ATP10B: variants seen among roughly 807,000 people sequenced by gnomAD.
The protein encoded by ATP10B is phospholipid-transporting ATPase VB.
In ATP10B, 122 loss-of-function variants were observed where a neutral mutation model predicts 141.2. The ratio of observed to expected loss-of-function variants is 0.86; its 90% confidence interval spans 0.75 to 1.00. The LOEUF is 1.00. ATP10B is among the 50% of genes least tolerant of loss of function. The pLI, the probability that ATP10B is intolerant of heterozygous loss-of-function variation, is 0.00. For missense variants in ATP10B, 1,876 were observed against 1,825.3 expected (o/e 1.03, Z -0.51); for synonymous variants, 685 against 692.0 (o/e 0.99, Z 0.16).
intron 1 of ATP10B, among the ~76,000 whole-genome samples, chr5:160,846,841 G>T (rs1776155730): frequency 6.6e-6 from 1 of 152,158 alleles, no homozygotes; most frequent in Non-Finnish European, 1.5e-5. Context: ...CATTGTGGCT[G>T]GCAAGTTAAT....
At position 160,634,590 on chromosome 5, in the gene ATP10B, G is replaced by A; in HGVS notation, c.1145C>T (p.Ser382Phe). The change falls in exon 12 of 26, where the codon TCT becomes TTT. Residue 382 changes from serine (S) to phenylalanine (F), a missense_variant. Coordinates refer to ENST00000327245, the MANE Select transcript of ATP10B (RefSeq NM_025153.3). Reference sequence around the variant, plus strand: ...CACCAGCTCAATGGAGACATACAAAGAGATGGGGATCAGCACCTGAAAAGA... The same window carrying A: ...CACCAGCTCAATGGAGACATACAAAAAGATGGGGATCAGCACCTGAAAAGA... Reference protein sequence around the residue: ...IILLQVLIPISLYVSIELVKL... With the variant: ...IILLQVLIPIFLYVSIELVKL... The A allele has an allele frequency of 6.2e-7, 1 of 1,611,418 alleles. No individual in the cohort carries two copies. The highest frequency in any genetic ancestry group is 1.1e-5 in the South Asian group (1 of 90,540).
Position 160,683,471 on chromosome 5 carries a change from T to C in ATP10B, c.470+2608A>G, listed in dbSNP as rs1763556211. 2.0e-5 allele frequency among the ~76,000 whole-genome samples: 3 copies of C among 152,116 alleles called. No homozygotes were observed. In the South Asian group the frequency reaches 6.2e-4, roughly 32 times the overall value. ...AATTTTCCAAGTGGAGTTTGACTCATAAATCCTTTCAGCAGCCAGCTCTAA... is the reference window on the plus strand; with the variant it reads ...AATTTTCCAAGTGGAGTTTGACTCACAAATCCTTTCAGCAGCCAGCTCTAA... On this transcript the variant is annotated intron_variant, in intron 6 of 25. Coordinates refer to ENST00000327245, the MANE Select transcript of ATP10B (RefSeq NM_025153.3).
intron 7 of ATP10B, among the ~76,000 whole-genome samples, chr5:160,670,018 C>T (rs558783850): frequency 6.6e-6 from 1 of 150,386 alleles, no homozygotes; most frequent in South Asian, 2.1e-4. Flanking sequence ...GTTAATGATA[C>T]CTTGCTGCAG....
chr5:160,813,733 C>T (rs181600429), intron 1 of ATP10B, among the ~76,000 whole-genome samples: 79 of 152,306 alleles, frequency 5.2e-4, no homozygotes, highest in Non-Finnish European at 1.0e-3. Flanking sequence ...AAGCACCCCC[C>T]AGTAGGGGCA....
At chr5:160,915,970 G>A in the ATP10B span, among the ~76,000 whole-genome samples, 4 of 152,116 alleles carry the variant, frequency 2.6e-5, no homozygotes, top group Non-Finnish European at 4.4e-5. Context: ...CCCTCAGCCC[G>A]CCATCTGTGT....
chr5:160,872,177 T>C, the ATP10B span, among the ~76,000 whole-genome samples: 1 of 152,204 alleles, frequency 6.6e-6, no homozygotes, highest in Non-Finnish European at 1.5e-5. Context: ...TATTGGCCAT[T>C]TGTATATCTT....
intron 1 of ATP10B, among the ~76,000 whole-genome samples, chr5:160,786,086 TCCAGCCACTCAGTG>T (rs1251718043): frequency 6.6e-6 from 1 of 152,194 alleles, no homozygotes; most frequent in African/African-American, 2.4e-5. Flanking sequence ...TGTGTGCTGG[TCCAGCCACTCAGTG>T]CATTTCATCT....
At chr5:160,625,749 G>A (rs927979738) in intron 13 of ATP10B, among the ~76,000 whole-genome samples, 37 of 152,156 alleles carry the variant, frequency 2.4e-4, no homozygotes, top group African/African-American at 8.4e-4. Context: ...GTGCTATGAG[G>A]GCAGAGACTG....
chr5:160,573,879 T>A (rs1676609401), intron 24 of ATP10B, among the ~76,000 whole-genome samples: 1 of 152,204 alleles, frequency 6.6e-6, no homozygotes. Flanking sequence ...TTCTGATCGA[T>A]GAATATTTAG....
At chr5:160,703,345 G>A (rs1349674433) in intron 3 of ATP10B, among the ~76,000 whole-genome samples, 2 of 152,116 alleles carry the variant, frequency 1.3e-5, no homozygotes, top group East Asian at 3.8e-4. Context: ...TCTATTGTGT[G>A]CAATAGCATT....
At chr5:160,729,131 C>A (rs1766565605) in intron 2 of ATP10B, among the ~76,000 whole-genome samples, 1 of 152,094 alleles carries the variant, frequency 6.6e-6, no homozygotes, top group Admixed American at 6.6e-5. Flanking sequence ...TATTGTTAGG[C>A]CCCTTAGGGC....
chr5:160,601,014 G>A (rs894914534), intron 21 of ATP10B, among the ~76,000 whole-genome samples: 18 of 151,974 alleles, frequency 1.2e-4, no homozygotes, highest in Non-Finnish European at 1.6e-4. Flanking sequence ...TTAATGCAGA[G>A]AAGAGGCTGT....
At chr5:160,738,804 A>G (rs952087622) in intron 2 of ATP10B, among the ~76,000 whole-genome samples, 2 of 152,196 alleles carry the variant, frequency 1.3e-5, no homozygotes, top group Non-Finnish European at 2.9e-5. Context: ...AATTTCATGT[A>G]ACATTTAAGG....
chr5:160,818,870 A>G (rs1342704405), intron 1 of ATP10B, among the ~76,000 whole-genome samples: 1 of 152,174 alleles, frequency 6.6e-6, no homozygotes, highest in African/African-American at 2.4e-5. Context: ...GAAGCTGGAA[A>G]CCATCATTCT....
intron 21 of ATP10B, 73 bp from the exon 22 acceptor site, chr5:160,599,043 C>T (rs1756927492): frequency 7.1e-7 from 1 of 1,406,630 alleles, no homozygotes; most frequent in East Asian, 2.3e-5. Flanking sequence ...CTTGGGACCT[C>T]TGGGAGCTGC....
At chr5:160,910,666 TCAGTA>T in the ATP10B span, among the ~76,000 whole-genome samples, 1 of 152,178 alleles carries the variant, frequency 6.6e-6, no homozygotes, top group African/African-American at 2.4e-5. Context: ...GATAATCAGT[TCAGTA>T]ATTTTTGAGG....
intron 6 of ATP10B, chr5:160,685,403 G>A (rs1763689507): frequency 6.7e-6 from 3 of 450,384 alleles, no homozygotes; most frequent in Non-Finnish European, 1.2e-5. Flanking sequence ...TATCCACCAG[G>A]CCACTTCCTT....
At chr5:160,826,771 T>A (rs1306098769) in intron 1 of ATP10B, among the ~76,000 whole-genome samples, 2 of 152,180 alleles carry the variant, frequency 1.3e-5, no homozygotes, top group African/African-American at 4.8e-5. Flanking sequence ...GGGAAGTCTA[T>A]AAACGGCCGC....
At chr5:160,618,127 T>C (rs571856648) in intron 15 of ATP10B, among the ~76,000 whole-genome samples, 154 bp from the exon 16 acceptor site, 2 of 152,334 alleles carry the variant, frequency 1.3e-5, no homozygotes, top group African/African-American at 4.8e-5. Context: ...CTCTCCTGGC[T>C]GTCAGGTTGC....
Sources: allele counts gnomAD v4.1 joint callset (sites outside exome capture counted in the v4.1 genomes callset), GRCh38; gene constraint gnomAD v4.1.1; transcripts MANE v1.5; gene names NCBI Gene and HGNC (gene_info 2026-07-23, HGNC 2026-07-21).